AGPAT4: variants seen among roughly 807,000 people sequenced by gnomAD.
AGPAT4 encodes the protein 1-acyl-sn-glycerol-3-phosphate acyltransferase delta.
AGPAT4 carries 15 observed loss-of-function variants against 48.0 expected under a neutral mutation model. The ratio of observed to expected loss-of-function variants is 0.31; its 90% CI spans 0.21 to 0.48. The LOEUF (loss-of-function observed/expected upper bound fraction) is 0.48, where lower values mean the gene tolerates loss of function less well. Among genes scored for constraint, AGPAT4 ranks in the 20% least tolerant of loss-of-function variants. AGPAT4 has a pLI of 0.99. For synonymous variants in AGPAT4, 178 were observed against 198.7 expected (o/e 0.90, Z 0.88); for missense variants, 314 against 482.5 (o/e 0.65, Z 3.27).
intron 2 of AGPAT4, among the ~76,000 whole-genome samples, chr6:161,176,939 T>TAG (rs1482579238): frequency 1.9e-4 from 29 of 152,304 alleles, no homozygotes; most frequent in Non-Finnish European, 3.7e-4. Context: ...GGGTTGAAAA[T>TAG]TCTTTTCTTT....
In AGPAT4 at chr6:161,161,515, C is replaced by T. The variant is rs534597057; in HGVS notation, c.348+4733G>A. 2.6e-5 allele frequency: 12 copies of T among 456,454 alleles called. No homozygotes were observed. The highest frequency in any genetic ancestry group is 4.8e-5 in the Non-Finnish European group (11 of 226,874). 28.3% of individuals were successfully genotyped at this position (456,454 alleles called of 1,614,324 possible). A position where few individuals can be genotyped will look rare whatever the true frequency, so the allele number is the denominator to read the frequency against. ...CAGAGCTGATGAATTCACATGGTGG[C>T]GGGCAGCACTGGGTATCTGCCATAG... On this transcript the variant is annotated intron_variant, in intron 3 of 8. Transcript: ENST00000320285. The surrounding 1 kb of genome is among the most constrained non-coding windows in gnomAD (Gnocchi z 4.6).
rs1023975620 is a variant in AGPAT4, at chr6:161,216,831, T to C, written c.178+15205A>G. Among the ~76,000 whole-genome samples the C allele has an allele frequency of 2.0e-5, 3 of 152,148 alleles. No individual in the cohort carries two copies. The highest frequency in any genetic ancestry group is 1.3e-4 in the Admixed American group (2 of 15,270). The stretch of plus-strand genomic sequence containing the variant: ...CTAGCACGAGAAAAACTGGCCCTCA[T>C]GATTCAACTACCTCCTCTTAGGTCC... On this transcript the variant is annotated intron_variant, in intron 2 of 8. Coordinates refer to ENST00000320285, the MANE Select transcript of AGPAT4 (RefSeq NM_020133.3). This position sits in a 1 kb window ranked among gnomAD's most constrained non-coding sequence, Gnocchi z 4.8.
In AGPAT4 at chr6:161,195,203, A is replaced by T. The variant is rs909892591; in HGVS notation, c.179-28786T>A. Among the ~76,000 whole-genome samples the T allele has an allele frequency of 6.6e-6, 1 of 152,256 alleles. No individual in the cohort carries two copies. The highest frequency in any genetic ancestry group is 1.5e-5 in the Non-Finnish European group (1 of 68,042). On this transcript the variant is annotated intron_variant, in intron 2 of 8. Transcript: ENST00000320285. This position sits in a 1 kb window ranked among gnomAD's most constrained non-coding sequence, Gnocchi z 5.0. ...AGAAACATAATTCAGAATTTGAAGC[A>T]AATTTCTCATTTAACCGAAAACCAA...
rs1783278410 is a variant in AGPAT4, at chr6:161,266,842, A to G, written c.-90+7096T>C. Among the ~76,000 whole-genome samples, 1 of 152,188 alleles carries G rather than the reference A, an allele frequency of 6.6e-6. No homozygotes were observed. Among genetic ancestry groups the G allele is most frequent in the South Asian group, 2.1e-4 (1 of 4,830 alleles). On this transcript the variant is annotated intron_variant, in intron 1 of 8. Transcript: ENST00000320285. This position sits in a 1 kb window ranked among gnomAD's most constrained non-coding sequence, Gnocchi z 6.2. The stretch of plus-strand genomic sequence containing the variant: ...CATCCGCCTCGGTTAACCTCTACCC[A>G]CAGAAGACTGACAGCTCACGAGGAG...
rs1359315978 is a variant in AGPAT4, at chr6:161,208,261, T to C, written c.178+23775A>G. The stretch of plus-strand genomic sequence containing the variant: ...ACAAGCACTGTTACTAAAAGTAAGC[T>C]ACTCAGTATTCAGAGACTCTCTCCA... On this transcript the variant is annotated intron_variant, in intron 2 of 8. Transcript: ENST00000320285. The surrounding 1 kb of genome is among the most constrained non-coding windows in gnomAD (Gnocchi z 4.6). Among the ~76,000 whole-genome samples the C allele has an allele frequency of 6.6e-6, 1 of 152,228 alleles. No homozygotes were observed. The highest frequency in any genetic ancestry group is 1.5e-5 in the Non-Finnish European group (1 of 68,034).
rs978616906 is a variant in AGPAT4 at position 161,154,416 on chromosome 6, G to C, written c.349-106C>G. The C allele has an allele frequency of 2.0e-5, 26 of 1,281,322 alleles. No homozygotes were observed. Among genetic ancestry groups the C allele is most frequent in the Admixed American group, 6.5e-5 (3 of 46,018 alleles). The allele number at this position is 1,281,322 out of a possible 1,614,324, so 79.4% of individuals were successfully genotyped here. A position where few individuals can be genotyped will look rare whatever the true frequency, so the allele number is the denominator to read the frequency against. ...AAAAGAGGAGGGGACGTTCACACCA[G>C]ACGCCTCGGGACAGTCCCAGAACAC... On this transcript the variant is annotated intron_variant, in intron 3 of 8. Transcript: ENST00000320285. This position sits in a 1 kb window ranked among gnomAD's most constrained non-coding sequence, Gnocchi z 7.8.
intron 2 of AGPAT4, among the ~76,000 whole-genome samples, chr6:161,194,208 T>G (rs1216453793): frequency 6.6e-6 from 1 of 152,242 alleles, no homozygotes; most frequent in Non-Finnish European, 1.5e-5. Flanking sequence ...ACTGGTAATA[T>G]TTTGAATACA....
rs2114944879 is a variant in AGPAT4 at position 161,135,097 on chromosome 6, A to G, written c.*1443T>C. 1 of 147,426 alleles carries G rather than the reference A, an allele frequency of 6.8e-6. No homozygotes were observed. Among genetic ancestry groups the G allele is most frequent in the South Asian group, 2.1e-4 (1 of 4,736 alleles). The allele number at this position is 147,426 out of a possible 1,614,324, so 9.1% of individuals were successfully genotyped here. On this transcript the variant is annotated 3_prime_UTR_variant, in exon 9 of 9. Coordinates refer to ENST00000320285, the MANE Select transcript of AGPAT4 (RefSeq NM_020133.3). ...GCTTACCTAGTTTGGTTGATAAACA[A>G]TGACTAAATGAGCAAATAGCCAAAA... is the stretch of plus-strand genomic sequence containing the variant.
chr6:161,144,125 A>G lies in AGPAT4; in HGVS notation c.843+2399T>C, dbSNP rs1029967269. 1.9e-6 allele frequency: 1 copy of G among 533,310 alleles called. No homozygotes were observed. The highest frequency in any genetic ancestry group is 3.8e-6 in the Non-Finnish European group (1 of 259,916). 33.0% of individuals were successfully genotyped at this position (533,310 alleles called of 1,614,324 possible). Reference sequence around the variant, plus strand: ...TGATACAGAAAGGAATTGTCCCTTGATGTCTATTCACCACTCTGCTTGGAG... The same window carrying G: ...TGATACAGAAAGGAATTGTCCCTTGGTGTCTATTCACCACTCTGCTTGGAG... On this transcript the variant is annotated intron_variant, in intron 7 of 8. Coordinates refer to ENST00000320285, the MANE Select transcript of AGPAT4 (RefSeq NM_020133.3). This position sits in a 1 kb window ranked among gnomAD's most constrained non-coding sequence, Gnocchi z 6.6.
rs575171508 is a variant in AGPAT4, at chr6:161,251,665, C to T, written c.-89-19363G>A. Among the ~76,000 whole-genome samples the T allele has an allele frequency of 2.1e-4, 32 of 152,336 alleles. 1 individual carries two copies. The South Asian group carries it at 6.0e-3, about 29-fold the overall frequency. On this transcript the variant is annotated intron_variant, in intron 1 of 8. Coordinates refer to ENST00000320285, the MANE Select transcript of AGPAT4 (RefSeq NM_020133.3). The surrounding 1 kb of genome is among the most constrained non-coding windows in gnomAD (Gnocchi z 4.6). ...GCTCCTGCAAGTTCATTTGTGCCAA[C>T]GTATTCCCAGGTGGGAATGAGGGGA...
In AGPAT4 at chr6:161,221,926, C is replaced by CT. The variant is rs1472572180; in HGVS notation, c.178+10109dup. 6.6e-6 allele frequency among the ~76,000 whole-genome samples: 1 copy of CT among 152,228 alleles called. No individual in the cohort carries two copies. The highest frequency in any genetic ancestry group is 2.4e-5 in the African/African-American group (1 of 41,438). Reference sequence around the variant, plus strand: ...CTTAACTTGATCATCTATGAAGACTCTATTTCCAAACAAGTTCACATTCAC... The same window carrying CT: ...CTTAACTTGATCATCTATGAAGACTCTTATTTCCAAACAAGTTCACATTCAC... On this transcript the variant is annotated intron_variant, in intron 2 of 8. Transcript: ENST00000320285. The surrounding 1 kb of genome is among the most constrained non-coding windows in gnomAD (Gnocchi z 4.5).
rs753762484 is a variant in AGPAT4 at position 161,161,262 on chromosome 6, C to T, written c.348+4986G>A. 3.9e-4 allele frequency: 177 copies of T among 456,722 alleles called. 2 individuals carry two copies. The highest frequency in any genetic ancestry group is 2.0e-3 in the South Asian group (128 of 64,572). 28.3% of individuals were successfully genotyped at this position (456,722 alleles called of 1,614,324 possible). ...GACCGGACTTTTACAGATGAGCATG[C>T]GCTCCCACCTCCAGGATGGTAGTCG... On this transcript the variant is annotated intron_variant, in intron 3 of 8. Transcript: ENST00000320285. This position sits in a 1 kb window ranked among gnomAD's most constrained non-coding sequence, Gnocchi z 4.6.
At position 161,208,969 on chromosome 6, in the gene AGPAT4, T is replaced by C. The variant is rs921415971; in HGVS notation, c.178+23067A>G. Reference sequence around the variant, plus strand: ...GAAAGAGTCCCTAAAACGGCAATCATGACCTTGTGTTAATTACTGGGGAAG... The same window carrying C: ...GAAAGAGTCCCTAAAACGGCAATCACGACCTTGTGTTAATTACTGGGGAAG... On this transcript the variant is annotated intron_variant, in intron 2 of 8. Transcript: ENST00000320285. The surrounding 1 kb of genome is among the most constrained non-coding windows in gnomAD (Gnocchi z 4.6). 6.6e-6 allele frequency among the ~76,000 whole-genome samples: 1 copy of C among 152,186 alleles called. No homozygotes were observed. Among genetic ancestry groups the C allele is most frequent in the Non-Finnish European group, 1.5e-5 (1 of 68,044 alleles).
At position 161,166,122 on chromosome 6, in the gene AGPAT4, C is replaced by T. The variant is rs756871236; in HGVS notation, c.348+126G>A. ...AAGAATAAAAAGCAGTTTATTAGGACCATTTCATCAAGTAGAAACTCTGTT... is the reference window on the plus strand; with the variant it reads ...AAGAATAAAAAGCAGTTTATTAGGATCATTTCATCAAGTAGAAACTCTGTT... On this transcript the variant is annotated intron_variant, in intron 3 of 8. Coordinates refer to ENST00000320285, the MANE Select transcript of AGPAT4 (RefSeq NM_020133.3). This position sits in a 1 kb window ranked among gnomAD's most constrained non-coding sequence, Gnocchi z 6.7. 8 of 1,280,734 alleles carry T rather than the reference C, an allele frequency of 6.2e-6. No individual in the cohort carries two copies. Among genetic ancestry groups the T allele is most frequent in the Admixed American group, 4.6e-5 (2 of 43,916 alleles). 79.3% of individuals were successfully genotyped at this position (1,280,734 alleles called of 1,614,324 possible).
Position 161,148,874 on chromosome 6 carries a change from G to A in AGPAT4, c.767+313C>T, listed in dbSNP as rs748836359. ...GTGTATTCCATACAGCAGACCCATCGCCCACGAAAAGGGTCAATAACATAT... is the reference window on the plus strand; with the variant it reads ...GTGTATTCCATACAGCAGACCCATCACCCACGAAAAGGGTCAATAACATAT... On this transcript the variant is annotated intron_variant, in intron 6 of 8. Coordinates refer to ENST00000320285, the MANE Select transcript of AGPAT4 (RefSeq NM_020133.3). This position sits in a 1 kb window ranked among gnomAD's most constrained non-coding sequence, Gnocchi z 5.5. Among the ~76,000 whole-genome samples the A allele has an allele frequency of 2.6e-5, 4 of 152,110 alleles. No individual in the cohort carries two copies. The highest frequency in any genetic ancestry group is 4.4e-5 in the Non-Finnish European group (3 of 68,024).
rs1781432399 is a variant in AGPAT4 at position 161,208,311 on chromosome 6, T to G, written c.178+23725A>C. Among the ~76,000 whole-genome samples the G allele has an allele frequency of 6.6e-6, 1 of 152,200 alleles. No homozygotes were observed. The highest frequency in any genetic ancestry group is 6.5e-5 in the Admixed American group (1 of 15,274). On this transcript the variant is annotated intron_variant, in intron 2 of 8. Transcript: ENST00000320285. The surrounding 1 kb of genome is among the most constrained non-coding windows in gnomAD (Gnocchi z 4.6). ...AGATGCGCCCTCTGTGGAACTTCCC[T>G]AACAATGTGCTCTTGTACATTTATC...
chr6:161,191,878 C>G (rs1468316947), intron 2 of AGPAT4, among the ~76,000 whole-genome samples: 1 of 152,208 alleles, frequency 6.6e-6, no homozygotes, highest in Non-Finnish European at 1.5e-5. Flanking sequence ...GATTTCCTGA[C>G]TACAGTCTTG....
At position 161,221,742 on chromosome 6, in the gene AGPAT4, C is replaced by G. The variant is rs2115027924; in HGVS notation, c.178+10294G>C. On this transcript the variant is annotated intron_variant, in intron 2 of 8. Transcript: ENST00000320285. The surrounding 1 kb of genome is among the most constrained non-coding windows in gnomAD (Gnocchi z 4.5). ...AGCATGTGAGGGAGGATCTGTGTCACAGCTCTCTCCCAGCGGCTGGGAGCC... is the reference window on the plus strand; with the variant it reads ...AGCATGTGAGGGAGGATCTGTGTCAGAGCTCTCTCCCAGCGGCTGGGAGCC... 6.6e-6 allele frequency among the ~76,000 whole-genome samples: 1 copy of G among 152,316 alleles called. No individual in the cohort carries two copies. Among genetic ancestry groups the G allele is most frequent in the Non-Finnish European group, 1.5e-5 (1 of 68,026 alleles).
At chr6:161,191,347 A>G (rs755786000) in intron 2 of AGPAT4, among the ~76,000 whole-genome samples, 3 of 152,188 alleles carry the variant, frequency 2.0e-5, no homozygotes, top group Non-Finnish European at 4.4e-5. Flanking sequence ...GAAGTATGGA[A>G]GAGTTAAAAT....
Sources: allele counts gnomAD v4.1 joint callset (sites outside exome capture counted in the v4.1 genomes callset), GRCh38; gene constraint gnomAD v4.1.1; non-coding constraint Gnocchi (gnomAD v3.1); transcripts MANE v1.5; gene names NCBI Gene and HGNC (gene_info 2026-07-23, HGNC 2026-07-21).